Variants in OTOA observed in about 807,000 individuals in gnomAD.
The protein encoded by OTOA is otoancorin.
In OTOA, 70 loss-of-function variants were observed where a neutral mutation model predicts 110.8. That is an observed-to-expected ratio of 0.63 (90% CI 0.52 to 0.77). The LOEUF (loss-of-function observed/expected upper bound fraction) is 0.77, where lower values mean the gene tolerates loss of function less well. OTOA is among the 30% of genes least tolerant of loss of function. The pLI, the probability that OTOA is intolerant of heterozygous loss-of-function variation, is 0.00. For synonymous variants in OTOA, 373 were observed against 431.5 expected, an observed-to-expected ratio of 0.86 and a Z score of 1.68; for missense variants, 917 against 1,075.8, an observed-to-expected ratio of 0.85 and a Z score of 2.06.
intron 6 of OTOA, chr16:21,684,324 G>T (rs1025290651): frequency 5.2e-6 from 7 of 1,356,014 alleles, no homozygotes; most frequent in Admixed American, 2.9e-5. Context: ...TCTGTTTAAC[G>T]GAGATTTAGA....
intron 1 of OTOA, among the ~76,000 whole-genome samples, chr16:21,667,283 T>C (rs1966842055): frequency 1.3e-5 from 2 of 152,236 alleles, no homozygotes; most frequent in Admixed American, 1.3e-4. Flanking sequence ...CAAAGCTGGT[T>C]GTGGAGGTCC....
intron 1 of OTOA, among the ~76,000 whole-genome samples, chr16:21,667,372 C>T (rs777525745): frequency 2.0e-5 from 3 of 152,072 alleles, no homozygotes; most frequent in Non-Finnish European, 2.9e-5. Context: ...GCTGGGATGG[C>T]GGCTGGGCGC....
chr16:21,689,966 G>A (rs1019168023), intron 8 of OTOA, among the ~76,000 whole-genome samples: 1 of 152,158 alleles, frequency 6.6e-6, no homozygotes, highest in Non-Finnish European at 1.5e-5. Flanking sequence ...GATTACAGGT[G>A]TGAGCCACTG....
chr16:21,723,097 T>G, intron 18 of OTOA, 119 bp downstream of exon 18: 1 of 959,792 alleles, frequency 1.0e-6, no homozygotes, highest in Non-Finnish European at 1.7e-6. Flanking sequence ...GAGTGGAGGA[T>G]GCCTTAGAGA....
intron 17 of OTOA, 75 bp downstream of exon 17, chr16:21,719,579 T>C: frequency 7.6e-7 from 1 of 1,321,466 alleles, no homozygotes; most frequent in South Asian, 1.2e-5. Flanking sequence ...GGCTGTGGCA[T>C]CTAAAGATCT....
At chr16:21,701,686 T>G (rs1370571323) in intron 11 of OTOA, among the ~76,000 whole-genome samples, 1 of 152,106 alleles carries the variant, frequency 6.6e-6, no homozygotes, top group Non-Finnish European at 1.5e-5. Context: ...TGATGTGACC[T>G]TGGCTCACTG....
intron 15 of OTOA, among the ~76,000 whole-genome samples, chr16:21,717,622 T>C (rs1433366380): frequency 1.3e-5 from 2 of 152,186 alleles, no homozygotes; most frequent in African/African-American, 2.4e-5. Flanking sequence ...TTCGCGGCTA[T>C]TATGTGTATT....
chr16:21,727,671 G>A (rs12934324), intron 19 of OTOA, among the ~76,000 whole-genome samples: 13,598 of 152,058 alleles, frequency 0.089, 858 homozygotes, highest in Middle Eastern at 0.18. Flanking sequence ...TTGAAGTCTG[G>A]AATATTCTCA....
chr16:21,697,818 G>A lies in OTOA; in HGVS notation c.783G>A (p.Leu261=). The A allele has an allele frequency of 4.3e-6, 7 of 1,614,004 alleles. No individual in the cohort carries two copies. The highest frequency in any genetic ancestry group is 5.9e-6 in the Non-Finnish European group (7 of 1,179,982). ...TCAGTGCGGAACACTTATGGGTTTT[G>A]GGCAGATACATGGTTCACCTATCGT... The part of the protein sequence containing the change: ...SWVSAEHLWV[L]GRYMVHLSFE... Residue 261 remains leucine, a synonymous_variant, in exon 10 of 29, where the codon TTG becomes TTA. Coordinates refer to ENST00000646100, the MANE Select transcript of OTOA (RefSeq NM_144672.4).
At chr16:21,743,944 T>G (rs1899570563) in intron 23 of OTOA, among the ~76,000 whole-genome samples, 1 of 133,064 alleles carries the variant, frequency 7.5e-6, no homozygotes. Flanking sequence ...TTATGGTGTA[T>G]ACATATATAC....
chr16:21,753,266 G>T, intron 27 of OTOA, 142 bp downstream of exon 27: 1 of 444,264 alleles, frequency 2.3e-6, no homozygotes, highest in East Asian at 4.3e-5. Flanking sequence ...GTGAGTTTAG[G>T]TGTTTTTAAA....
Position 21,687,465 on chromosome 16 carries a change from A to C in OTOA, c.452A>C (p.Gln151Pro). ...GGAGAGATTCGAGAACGAGCCTTGCAGAGCCCTGGCGTGAACCGCAGCCTG... is the reference window on the plus strand; with the variant it reads ...GGAGAGATTCGAGAACGAGCCTTGCCGAGCCCTGGCGTGAACCGCAGCCTG... ...DLGEIRERALQSPGVNRSLFL... is the reference protein window; with the variant it reads ...DLGEIRERALPSPGVNRSLFL... Residue 151 changes from glutamine (Q) to proline (P), a missense_variant, in exon 8 of 29, where the codon CAG (glutamine) becomes CCG (proline). This residue lies in a region of OTOA where 840 missense variants were observed against 910.2 expected (regional missense o/e 0.92). Transcript: ENST00000646100. 6.2e-7 allele frequency: 1 copy of C among 1,614,102 alleles called. No individual in the cohort carries two copies. The highest frequency in any genetic ancestry group is 1.3e-5 in the African/African-American group (1 of 75,032).
rs756944912 is a variant in OTOA at position 21,705,162 on chromosome 16, C to T, written c.981-7C>T. On this transcript the variant is annotated splice_region_variant and splice_polypyrimidine_tract_variant and intron_variant, in intron 11 of 28. Transcript: ENST00000646100. Reference sequence around the variant, plus strand: ...CCTCCACCACCATCCCTCCTCTTCTCACACAGGCTGGGGCTGCTGGTTTGT... The same window carrying T: ...CCTCCACCACCATCCCTCCTCTTCTTACACAGGCTGGGGCTGCTGGTTTGT... 1 of 1,614,170 alleles carries T rather than the reference C, an allele frequency of 6.2e-7. No individual in the cohort carries two copies. Among genetic ancestry groups the T allele is most frequent in the South Asian group, 1.1e-5 (1 of 91,076 alleles).
intron 1 of OTOA, among the ~76,000 whole-genome samples, chr16:21,675,163 C>CTT (rs977058358): frequency 7.8e-6 from 1 of 127,700 alleles, no homozygotes; most frequent in African/African-American, 2.9e-5. Context: ...CTCTCTCTCT[C>CTT]TTTTTTTTTT....
chr16:21,695,891 A>ATATATATATATATTTTTTTT (rs569493650), intron 9 of OTOA, among the ~76,000 whole-genome samples: 6 of 41,884 alleles, frequency 1.4e-4, no homozygotes, highest in African/African-American at 8.8e-4. Context: ...ATATATATAT[A>ATATATATATATATTTTTTTT]TTTTTTTTTT....
chr16:21,673,398 A>G (rs902516517), intron 1 of OTOA, among the ~76,000 whole-genome samples: 1 of 152,158 alleles, frequency 6.6e-6, no homozygotes, highest in African/African-American at 2.4e-5. Context: ...CTAATGTATC[A>G]GCTACCCTAA....
intron 22 of OTOA, among the ~76,000 whole-genome samples, chr16:21,736,837 AAG>A (rs1271935990): frequency 9.8e-5 from 15 of 152,412 alleles, no homozygotes; most frequent in African/African-American, 2.6e-4. Flanking sequence ...TCAAAAAAAA[AAG>A]AGTTACACTT....
At chr16:21,666,412 A>G (rs780785697) in intron 1 of OTOA, among the ~76,000 whole-genome samples, 9 of 151,670 alleles carry the variant, frequency 5.9e-5, no homozygotes, top group Non-Finnish European at 1.0e-4. Flanking sequence ...CAGGAGGGGA[A>G]CCTCCTAGCA....
At chr16:21,672,676 TA>T (rs1262169032) in intron 1 of OTOA, among the ~76,000 whole-genome samples, 1 of 151,760 alleles carries the variant, frequency 6.6e-6, no homozygotes, top group African/African-American at 2.4e-5. Flanking sequence ...ATGGGGTACA[TA>T]AAGATGTTTT....
Sources: gnomAD v4.1 joint callset for allele counts (sites outside exome capture counted in the v4.1 genomes callset) on GRCh38, gnomAD v4.1.1 for gene constraint, gnomAD v4.1.1 regional missense constraint, MANE v1.5 for transcripts, NCBI Gene and HGNC (gene_info 2026-07-23, HGNC 2026-07-21) for gene names.